CCT7: variants seen among roughly 807,000 people sequenced by gnomAD.
The protein encoded by CCT7 is chaperonin containing TCP1 subunit 7.
CCT7 carries 16 observed loss-of-function variants against 56.6 expected under a neutral mutation model. The observed-to-expected ratio is 0.28, with a 90% CI of 0.19 to 0.43. The LOEUF (loss-of-function observed/expected upper bound fraction) is 0.43. Among genes scored for constraint, CCT7 ranks in the 20% least tolerant of loss-of-function variants. CCT7 has a pLI of 1.00. For missense variants in CCT7, 519 were observed against 685.6 expected (o/e 0.76, Z 2.71); for synonymous variants, 262 against 254.8 (o/e 1.03, Z -0.27).
chr2:73,245,191 A>C (rs1488933523), intron 6 of CCT7, among the ~76,000 whole-genome samples: 1 of 152,224 alleles, frequency 6.6e-6, no homozygotes, highest in Non-Finnish European at 1.5e-5. Flanking sequence ...ATATACAGCC[A>C]CTATTAGTTT....
intron 7 of CCT7, among the ~76,000 whole-genome samples, chr2:73,248,446 G>A (rs1558568631): frequency 6.6e-6 from 1 of 152,016 alleles, no homozygotes; most frequent in Non-Finnish European, 1.5e-5. Flanking sequence ...TGCCTCCTGG[G>A]TTCAAGTGAT....
At chr2:73,240,265 C>A (rs564222417) in intron 2 of CCT7, 172 bp from the exon 3 acceptor site, 20 of 429,740 alleles carry the variant, frequency 4.7e-5, no homozygotes, top group Non-Finnish European at 6.6e-5. Context: ...TGATTTTAGA[C>A]CCTTTGTGTA....
At chr2:73,244,323 C>A in intron 5 of CCT7, 1 of 600,938 alleles carries the variant, frequency 1.7e-6, no homozygotes, top group Non-Finnish European at 2.9e-6. Flanking sequence ...GCCCACAGAG[C>A]ACAAAAGAAG....
At chr2:73,250,765 T>C (rs1030170721) in intron 10 of CCT7, among the ~76,000 whole-genome samples, 1 of 151,626 alleles carries the variant, frequency 6.6e-6, no homozygotes, top group Non-Finnish European at 1.5e-5. Context: ...AGCGAGATCC[T>C]GTCTCTACAA....
At position 73,238,436 on chromosome 2, in the gene CCT7, C is replaced by T. The variant is rs778627124; in HGVS notation, c.7-1207C>T. Among the ~76,000 whole-genome samples the T allele has an allele frequency of 5.3e-5, 8 of 150,532 alleles. No individual in the cohort carries two copies. In the South Asian group the frequency reaches 6.3e-4, roughly 12 times the overall value. On this transcript the variant is annotated intron_variant, in intron 1 of 11. Transcript: ENST00000258091. ...TGACCAGTTAATAAGGAATCAGCCTCATGAGTGGCAAGACTCTGTCTTTGG... is the reference window on the plus strand; with the variant it reads ...TGACCAGTTAATAAGGAATCAGCCTTATGAGTGGCAAGACTCTGTCTTTGG...
chr2:73,240,448 A>C lies in CCT7; in HGVS notation c.172A>C (p.Ile58Leu), dbSNP rs1456527525. 4.3e-6 allele frequency: 7 copies of C among 1,610,694 alleles called. No individual in the cohort carries two copies. The South Asian group carries it at 7.7e-5, about 18-fold the overall frequency. ...TTGTTTCTTTTAAGGCAAAGCAACA[A>C]TTTCTAATGATGGGGCCACAATTCT... ...LIVDGRGKAT[I>L]SNDGATILKL... Residue 58 changes from isoleucine (I) to leucine (L), a missense_variant, in exon 3 of 12, where the codon ATT becomes CTT. By Grantham distance (5) the Ile-to-Leu change is conservative. Around this residue, in one of 3 missense-constraint regions of CCT7, gnomAD observed 276 missense variants for 357.3 expected, o/e 0.77. Coordinates refer to ENST00000258091, the MANE Select transcript of CCT7 (RefSeq NM_006429.4).
In CCT7 at chr2:73,250,199, G is replaced by C. The variant is rs994005715; in HGVS notation, c.1071-107G>C. The C allele has an allele frequency of 4.3e-5, 60 of 1,383,114 alleles. No homozygotes were observed. In the African/African-American group the frequency reaches 7.9e-4, roughly 18 times the overall value. 85.7% of individuals were successfully genotyped at this position (1,383,114 alleles called of 1,614,324 possible). On this transcript the variant is annotated intron_variant, in intron 9 of 11. Coordinates refer to ENST00000258091, the MANE Select transcript of CCT7 (RefSeq NM_006429.4). ...GTTGGGATTGGGTAACCTGAGTGAA[G>C]AATGTAAGAGCAGCTGCTGAGTGTT... is the stretch of plus-strand genomic sequence containing the variant.
intron 3 of CCT7, 79 bp downstream of exon 3, chr2:73,240,622 T>A: frequency 1.4e-6 from 1 of 697,604 alleles, no homozygotes; most frequent in Non-Finnish European, 2.2e-6. Flanking sequence ...ATTAAATTTT[T>A]TTAAGATTTT....
intron 3 of CCT7, among the ~76,000 whole-genome samples, chr2:73,242,102 A>G (rs1460554752): frequency 6.7e-6 from 1 of 149,566 alleles, no homozygotes; most frequent in East Asian, 2.0e-4. Context: ...TTTTAGTGTG[A>G]TTTGACTGAA....
chr2:73,252,575 C>G, intron 11 of CCT7, 65 bp from the exon 12 acceptor site: 1 of 1,285,300 alleles, frequency 7.8e-7, no homozygotes, highest in Non-Finnish European at 1.1e-6. Flanking sequence ...TTTTGGAGTA[C>G]CAGTTTACAA....
Position 73,249,858 on chromosome 2 carries a change from T to A in CCT7, c.1012T>A (p.Ser338Thr). ...AATCCAGACCAGTGTGAATGCTCTG[T>A]CAGCAGATGTGCTGGGTCGATGCCA... ...GSIQTSVNAL[S>T]ADVLGRCQVF... Residue 338 changes from serine (S) to threonine (T), a missense_variant, in exon 9 of 12, where the codon TCA becomes ACA. Around this residue, in one of 3 missense-constraint regions of CCT7, gnomAD observed 237 missense variants for 300.8 expected, o/e 0.79. Transcript: ENST00000258091. 6.2e-7 allele frequency: 1 copy of A among 1,614,052 alleles called. No individual in the cohort carries two copies.
Position 73,250,415 on chromosome 2 carries a change from A to G in CCT7, c.1180A>G (p.Met394Val). ...ETERSLHDAI[M>V]IVRRAIKNDS... ...AGAGCGGTCCCTGCATGATGCCATC[A>G]TGATCGTCAGGAGGGCCATCAAGGT... is the stretch of plus-strand genomic sequence containing the variant. The change falls in exon 10 of 12, where the codon ATG becomes GTG. Residue 394 changes from methionine (M) to valine (V), a missense_variant. By Grantham distance (21) the Met-to-Val change is conservative. Around this residue, in one of 3 missense-constraint regions of CCT7, gnomAD observed 237 missense variants for 300.8 expected, o/e 0.79. Coordinates refer to ENST00000258091, the MANE Select transcript of CCT7 (RefSeq NM_006429.4). 2.5e-6 allele frequency: 4 copies of G among 1,614,116 alleles called. No homozygotes were observed. Among genetic ancestry groups the G allele is most frequent in the Admixed American group, 1.7e-5 (1 of 60,022 alleles).
chr2:73,245,395 G>A (rs924125536), intron 6 of CCT7, among the ~76,000 whole-genome samples: 1 of 152,180 alleles, frequency 6.6e-6, no homozygotes, highest in Admixed American at 6.5e-5. Context: ...TCTGTAGGGT[G>A]GTGGGACTGT....
Position 73,239,781 on chromosome 2 carries a change from A to G in CCT7, c.145A>G (p.Ile49Val), listed in dbSNP as rs1687025934. The G allele has an allele frequency of 3.7e-6, 6 of 1,613,784 alleles. No homozygotes were observed. The highest frequency in any genetic ancestry group is 1.7e-5 in the Admixed American group (1 of 59,990). The change falls in exon 2 of 12, where the codon ATT becomes GTT. Residue 49 changes from isoleucine (I) to valine (V), a missense_variant. Ile to Val is a conservative substitution (Grantham distance 29, BLOSUM62 3). This residue lies in a region of CCT7 where 276 missense variants were observed against 357.3 expected (regional missense o/e 0.77). Transcript: ENST00000258091. ...GGGTCCCCGTGGCATGGACAAGCTT[A>G]TTGTAGATGGCAGAGGTAAGTCTAC... is the stretch of plus-strand genomic sequence containing the variant. ...TLGPRGMDKL[I>V]VDGRGKATIS...
chr2:73,238,937 C>T (rs919879458), intron 1 of CCT7: 6 of 152,100 alleles, frequency 3.9e-5, no homozygotes, highest in Non-Finnish European at 8.8e-5. Context: ...TTCTGGAGAC[C>T]AATGCAATAT....
intron 4 of CCT7, 134 bp from the exon 5 acceptor site, chr2:73,243,863 A>G: frequency 1.3e-6 from 1 of 745,832 alleles, no homozygotes; most frequent in Non-Finnish European, 2.3e-6. Context: ...AAGACCTAGA[A>G]GTGTTTTTTC....
chr2:73,234,601 G>A (rs534090633), intron 1 of CCT7, among the ~76,000 whole-genome samples: 25 of 152,342 alleles, frequency 1.6e-4, no homozygotes, highest in African/African-American at 6.0e-4. Context: ...CTTTAGAGGA[G>A]TCTCTGGGCT....
intron 5 of CCT7, 182 bp from the exon 6 acceptor site, chr2:73,244,362 A>G (rs1245126296): frequency 4.9e-6 from 3 of 613,334 alleles, no homozygotes; most frequent in Admixed American, 3.0e-5. Flanking sequence ...AAGCTGCCAC[A>G]TATGAGATCT....
intron 11 of CCT7, among the ~76,000 whole-genome samples, chr2:73,252,053 T>C (rs1687614755): frequency 6.7e-6 from 1 of 149,890 alleles, no homozygotes; most frequent in South Asian, 2.1e-4. Context: ...GTGGTGAAGC[T>C]CTCCAGAGCC....
Sources: gnomAD v4.1 joint callset for allele counts (sites outside exome capture counted in the v4.1 genomes callset) on GRCh38, gnomAD v4.1.1 for gene constraint, gnomAD v4.1.1 regional missense constraint, MANE v1.5 for transcripts, NCBI Gene and HGNC (gene_info 2026-07-23, HGNC 2026-07-21) for gene names.